Variants in C10orf67 observed in about 807,000 individuals in gnomAD.
C10orf67 encodes uncharacterized protein C10orf67, mitochondrial.
Under a neutral mutation model 35.6 loss-of-function variants are expected in C10orf67, and 60 were observed. That is an observed-to-expected ratio of 1.68 (90% CI 1.37 to 2.09). The LOEUF is 2.09. Ranked by LOEUF, C10orf67 falls within the 30% of genes most tolerant of loss-of-function variation. The pLI is 0.00. For synonymous variants in C10orf67, 167 were observed against 115.8 expected, an observed-to-expected ratio of 1.44 and a Z score of -2.84; for missense variants, 474 against 330.2, an observed-to-expected ratio of 1.44 and a Z score of -3.38.
In C10orf67 at chr10:23,314,483, A is replaced by AACACACAC. The variant is rs56043614; in HGVS notation, c.546+6250_546+6257dup. Among the ~76,000 whole-genome samples, 1,045 of 135,800 alleles carry AACACACAC rather than the reference A, an allele frequency of 7.7e-3. 16 individuals carry two copies. The highest frequency in any genetic ancestry group is 0.021 in the African/African-American group (772 of 36,002). The allele number at this position is 135,800 out of a possible 152,430, so 89.1% of individuals were successfully genotyped here. A position where few individuals can be genotyped will look rare whatever the true frequency, so the allele number is the denominator to read the frequency against. ...TGAAAAAGAAAAAAAATTAAGTTAA[A>AACACACAC]ACACACACACACACACACACACACA... On this transcript the variant is annotated intron_variant, in intron 4 of 15. Transcript: ENST00000636213.
chr10:23,333,706 A>G (rs1845564676), intron 1 of C10orf67, among the ~76,000 whole-genome samples: 1 of 152,236 alleles, frequency 6.6e-6, no homozygotes, highest in Admixed American at 6.5e-5. Context: ...CAGATTATAC[A>G]GAAGCAGCTA....
intron 5 of C10orf67, among the ~76,000 whole-genome samples, chr10:23,293,160 AGT>A (rs1021498462): frequency 3.3e-5 from 5 of 152,366 alleles, no homozygotes; most frequent in Admixed American, 3.3e-4. Flanking sequence ...CATCAGATGA[AGT>A]GTAAAATTTA....
intron 4 of C10orf67, among the ~76,000 whole-genome samples, chr10:23,314,923 T>C (rs771238890): frequency 4.5e-4 from 69 of 152,212 alleles, no homozygotes; most frequent in Non-Finnish European, 8.4e-4. Flanking sequence ...AACTTGTTCA[T>C]AGCTGAAAAA....
intron 12 of C10orf67, among the ~76,000 whole-genome samples, chr10:23,240,017 T>G (rs538483654): frequency 6.6e-6 from 1 of 152,264 alleles, no homozygotes; most frequent in South Asian, 2.1e-4. Context: ...AAACCCCATC[T>G]TTACAAACAA....
chr10:23,225,273 T>G (rs1841704764), intron 13 of C10orf67, among the ~76,000 whole-genome samples: 1 of 152,110 alleles, frequency 6.6e-6, no homozygotes, highest in African/African-American at 2.4e-5. Context: ...CAAACTAAGC[T>G]TCATAAGTGA....
At chr10:23,236,479 T>C (rs115520977) in intron 13 of C10orf67, among the ~76,000 whole-genome samples, 2,271 of 151,786 alleles carry the variant, frequency 0.015, 54 homozygotes, top group African/African-American at 0.052. Context: ...AAAACAACAA[T>C]ATCAAGTTTT....
chr10:23,304,862 A>G (rs970247502), intron 4 of C10orf67, among the ~76,000 whole-genome samples: 9 of 152,168 alleles, frequency 5.9e-5, no homozygotes, highest in African/African-American at 2.2e-4. Flanking sequence ...TCTACAGACT[A>G]AGGTCCTGGA....
chr10:23,254,716 G>C (rs532767587), intron 10 of C10orf67, among the ~76,000 whole-genome samples: 16 of 152,196 alleles, frequency 1.1e-4, no homozygotes, highest in Admixed American at 5.2e-4. Flanking sequence ...ATAGTAGCCA[G>C]GGTTTGTAAT....
intron 1 of C10orf67, among the ~76,000 whole-genome samples, chr10:23,336,397 T>C (rs1257880879): frequency 6.6e-6 from 1 of 152,194 alleles, no homozygotes; most frequent in African/African-American, 2.4e-5. Flanking sequence ...CATGTGCATA[T>C]ATTTATACAT....
intron 8 of C10orf67, among the ~76,000 whole-genome samples, chr10:23,281,344 T>C (rs1843359045): frequency 6.6e-6 from 1 of 152,218 alleles, no homozygotes; most frequent in South Asian, 2.1e-4. Context: ...GAGCAACCTT[T>C]TCTCTTCCAA....
intron 10 of C10orf67, among the ~76,000 whole-genome samples, chr10:23,263,384 C>G (rs534154860): frequency 6.6e-6 from 1 of 151,916 alleles, no homozygotes; most frequent in African/African-American, 2.4e-5. Flanking sequence ...ATTCTATATC[C>G]CATAATAACA....
intron 5 of C10orf67, among the ~76,000 whole-genome samples, chr10:23,302,964 C>CA (rs1453976702): frequency 6.6e-6 from 1 of 151,974 alleles, no homozygotes; most frequent in Non-Finnish European, 1.5e-5. Flanking sequence ...ACTTTGACTG[C>CA]AAAAAAAGGT....
chr10:23,299,241 T>C lies in C10orf67; in HGVS notation c.702+4063A>G, dbSNP rs932882567. 9.9e-5 allele frequency among the ~76,000 whole-genome samples: 15 copies of C among 152,178 alleles called. No homozygotes were observed. The South Asian group carries it at 1.5e-3, about 15-fold the overall frequency. On this transcript the variant is annotated intron_variant, in intron 5 of 15. Coordinates refer to ENST00000636213, the MANE Select transcript of C10orf67 (RefSeq NM_001371909.1). Reference sequence around the variant, plus strand: ...TAAAATTGGAGTATTGCAGGGGCTATTGCATGGTTTTACTAGGCCTTGGGC... The same window carrying C: ...TAAAATTGGAGTATTGCAGGGGCTACTGCATGGTTTTACTAGGCCTTGGGC...
intron 4 of C10orf67, among the ~76,000 whole-genome samples, chr10:23,314,025 A>C (rs1340458367): frequency 6.6e-6 from 1 of 152,146 alleles, no homozygotes; most frequent in Non-Finnish European, 1.5e-5. Flanking sequence ...TTAGGAGGTA[A>C]AAAAACTGGC....
intron 13 of C10orf67, among the ~76,000 whole-genome samples, chr10:23,226,297 A>C (rs1482378458): frequency 6.6e-6 from 1 of 152,086 alleles, no homozygotes; most frequent in Non-Finnish European, 1.5e-5. Flanking sequence ...ACTCAAAACC[A>C]CTCAACTACA....
intron 4 of C10orf67, among the ~76,000 whole-genome samples, chr10:23,315,345 T>C (rs1173352671): frequency 6.6e-6 from 1 of 152,260 alleles, no homozygotes; most frequent in African/African-American, 2.4e-5. Context: ...AGCTATATTT[T>C]TGAACATTTG....
chr10:23,277,376 A>C (rs932432696), intron 8 of C10orf67, among the ~76,000 whole-genome samples: 2 of 151,920 alleles, frequency 1.3e-5, no homozygotes, highest in Non-Finnish European at 2.9e-5. Context: ...AATGTGGCAA[A>C]ACCCTGTCTC....
intron 8 of C10orf67, among the ~76,000 whole-genome samples, chr10:23,275,451 A>G (rs1843160787): frequency 6.6e-6 from 1 of 152,182 alleles, no homozygotes; most frequent in African/African-American, 2.4e-5. Flanking sequence ...TGCTCAGTAC[A>G]GAGGCAACTC....
At chr10:23,340,349 C>CAAAAAA (rs34098221) in intron 1 of C10orf67, among the ~76,000 whole-genome samples, 9 of 118,590 alleles carry the variant, frequency 7.6e-5, no homozygotes, top group East Asian at 2.3e-4. Flanking sequence ...TACAAAAATA[C>CAAAAAA]AAAAAAAAAA....
Sources: allele counts gnomAD v4.1 joint callset (sites outside exome capture counted in the v4.1 genomes callset), GRCh38; gene constraint gnomAD v4.1.1; transcripts MANE v1.5; gene names NCBI Gene and HGNC (gene_info 2026-07-23, HGNC 2026-07-21).